Variants in RANBP2 observed in about 807,000 individuals in gnomAD.
The protein encoded by RANBP2 is E3 SUMO-protein ligase RanBP2.
RANBP2 carries 57 observed loss-of-function variants against 303.6 expected under a neutral mutation model. That is an observed-to-expected ratio of 0.19 (90% confidence interval 0.15 to 0.23). The LOEUF is 0.23. Among genes scored for constraint, RANBP2 ranks in the 10% least tolerant of loss-of-function variants. RANBP2 has a pLI of 1.00. For missense variants in RANBP2, 3,138 were observed against 3,780.8 expected, an observed-to-expected ratio of 0.83 and a Z score of 4.46; for synonymous variants, 1,167 against 1,301.5, an observed-to-expected ratio of 0.90 and a Z score of 2.23.
chr2:108,860,934 A>ATTTTTTTTT, the RANBP2 span, among the ~76,000 whole-genome samples: 33 of 11,366 alleles, frequency 2.9e-3, no homozygotes, highest in Non-Finnish European at 6.5e-3. Context: ...CTGGTCCAGG[A>ATTTTTTTTT]CTTTTTTTTT....
chr2:108,879,444 G>C, the RANBP2 span, among the ~76,000 whole-genome samples: 1 of 152,122 alleles, frequency 6.6e-6, no homozygotes, highest in Non-Finnish European at 1.5e-5. Context: ...CATGAATCTG[G>C]TATCAAACAG....
the RANBP2 span, among the ~76,000 whole-genome samples, chr2:109,498,185 T>C: frequency 6.6e-6 from 1 of 151,982 alleles, no homozygotes; most frequent in Admixed American, 6.6e-5. Flanking sequence ...GAGAGCAGAG[T>C]CTGGTTCGCC....
the RANBP2 span, among the ~76,000 whole-genome samples, chr2:109,115,123 G>A: frequency 2.6e-5 from 4 of 152,072 alleles, no homozygotes; most frequent in Non-Finnish European, 4.4e-5. Context: ...ATTTGGGGTG[G>A]AGACTGTAGA....
the RANBP2 span, among the ~76,000 whole-genome samples, chr2:109,320,192 T>C: frequency 5.3e-5 from 8 of 152,160 alleles, no homozygotes; most frequent in Non-Finnish European, 1.0e-4. Flanking sequence ...GCCCTCGGCT[T>C]GCCTCTGCTC....
intron 20 of RANBP2, among the ~76,000 whole-genome samples, chr2:108,768,731 C>T (rs1396264425): frequency 6.6e-6 from 1 of 152,118 alleles, no homozygotes; most frequent in African/African-American, 2.4e-5. Flanking sequence ...TCTTTTGTCA[C>T]TCAGAAAACA....
chr2:109,587,837 T>C, the RANBP2 span, among the ~76,000 whole-genome samples: 520 of 151,276 alleles, frequency 3.4e-3, 4 homozygotes, highest in African/African-American at 0.01. Flanking sequence ...CGCTTGAACC[T>C]GGGAGGTGGA....
At chr2:109,192,433 T>C in the RANBP2 span, among the ~76,000 whole-genome samples, 1 of 152,246 alleles carries the variant, frequency 6.6e-6, no homozygotes, top group Non-Finnish European at 1.5e-5. Flanking sequence ...TTCCCAATTA[T>C]TAAGAGGAAA....
chr2:108,839,927 T>C, the RANBP2 span, among the ~76,000 whole-genome samples: 1 of 152,118 alleles, frequency 6.6e-6, no homozygotes, highest in Admixed American at 6.5e-5. Context: ...GTGAGAGTAG[T>C]CATCCTTGCC....
chr2:108,792,814 C>T, the RANBP2 span, among the ~76,000 whole-genome samples: 5 of 152,192 alleles, frequency 3.3e-5, no homozygotes, highest in Admixed American at 2.6e-4. Context: ...CCTGTAATCC[C>T]AGCACTTTGG....
chr2:108,749,656 A>G (rs562562625), intron 9 of RANBP2, among the ~76,000 whole-genome samples: 1 of 152,178 alleles, frequency 6.6e-6, no homozygotes, highest in East Asian at 1.9e-4. Flanking sequence ...TAGTGGCATG[A>G]TCGTAGGTCA....
At chr2:108,827,673 A>G in the RANBP2 span, among the ~76,000 whole-genome samples, 108 of 152,112 alleles carry the variant, frequency 7.1e-4, 1 homozygote, top group Non-Finnish European at 1.2e-3. Context: ...AAAATTAGCC[A>G]GGCGTGGTGG....
At chr2:109,394,605 T>C in the RANBP2 span, among the ~76,000 whole-genome samples, 1 of 152,270 alleles carries the variant, frequency 6.6e-6, no homozygotes, top group Admixed American at 6.5e-5. Context: ...AAATGTGTTC[T>C]CTTTCCATTA....
the RANBP2 span, chr2:108,910,896 G>T: frequency 4.3e-6 from 7 of 1,614,022 alleles, no homozygotes; most frequent in South Asian, 7.7e-5. Context: ...CCGACAGGGG[G>T]AGTTGACGGA....
chr2:109,129,544 C>G, the RANBP2 span: 11 of 1,495,756 alleles, frequency 7.4e-6, no homozygotes, highest in Non-Finnish European at 8.0e-6. Context: ...CTCCCCCATG[C>G]TGCTCGGAGC....
At chr2:109,236,867 C>T in the RANBP2 span, among the ~76,000 whole-genome samples, 1 of 152,286 alleles carries the variant, frequency 6.6e-6, no homozygotes, top group African/African-American at 2.4e-5. Context: ...CTGTGAAACG[C>T]TGCAGTGACC....
chr2:109,136,849 A>G, the RANBP2 span, among the ~76,000 whole-genome samples: 5 of 152,186 alleles, frequency 3.3e-5, no homozygotes, highest in Non-Finnish European at 7.4e-5. Context: ...GCACCGGGGC[A>G]CCTGTAAATG....
chr2:109,450,273 G>A, the RANBP2 span, among the ~76,000 whole-genome samples: 4 of 152,192 alleles, frequency 2.6e-5, no homozygotes, highest in East Asian at 5.8e-4. Flanking sequence ...TGGAAACCGG[G>A]GGGCAGAGCC....
At chr2:108,922,077 C>T in the RANBP2 span, among the ~76,000 whole-genome samples, 5 of 152,240 alleles carry the variant, frequency 3.3e-5, no homozygotes, top group Admixed American at 6.5e-5. Context: ...GCGCCCCTGC[C>T]GTGACTCAAG....
In RANBP2 at chr2:108,753,428, A is replaced by T. The variant is rs147080366; in HGVS notation, c.1920A>T (p.Ala640=). The change falls in exon 14 of 29, where the codon GCA becomes GCT. Residue 640 remains alanine (A), a splice_region_variant and synonymous_variant. Coordinates refer to ENST00000283195, the MANE Select transcript of RANBP2 (RefSeq NM_006267.5). ...TAAAAACTATTCTGTGTGTTTAGGC[A>T]TCAGAAATTGTTGAATATGAAGAAG... ...FKHFHSVDIQ[A]SEIVEYEEDA... is the part of the protein sequence containing the mutation. The T allele has an allele frequency of 6.2e-7, 1 of 1,611,616 alleles. No individual in the cohort carries two copies. The highest frequency in any genetic ancestry group is 8.5e-7 in the Non-Finnish European group (1 of 1,179,744).
Sources: gnomAD v4.1 joint callset for allele counts (sites outside exome capture counted in the v4.1 genomes callset) on GRCh38, gnomAD v4.1.1 for gene constraint, MANE v1.5 for transcripts, NCBI Gene and HGNC (gene_info 2026-07-23, HGNC 2026-07-21) for gene names.